The following N4BP2 variants were observed in gnomAD, a reference collection of about 807,000 sequenced individuals.
N4BP2 encodes NEDD4 binding protein 2.
In N4BP2, 91 loss-of-function variants were observed where a neutral mutation model predicts 152.8. That is an observed-to-expected ratio of 0.60 (90% CI 0.50 to 0.71). The LOEUF (loss-of-function observed/expected upper bound fraction) is 0.71, where lower values mean the gene tolerates loss of function less well. Ranked by LOEUF, N4BP2 falls within the 30% of genes least tolerant of loss-of-function variation. The probability of loss-of-function intolerance (pLI) is 0.00; values close to 1 mark genes in which losing one functional copy is unlikely to be tolerated. For synonymous variants in N4BP2, 646 were observed against 705.3 expected (o/e 0.92, Z 1.33); for missense variants, 1,923 against 2,059.1 (o/e 0.93, Z 1.28).
In N4BP2 at chr4:40,120,708, A is replaced by G. The variant is rs1164409996; in HGVS notation, c.2597A>G (p.Tyr866Cys). 2 of 1,614,018 alleles carry G rather than the reference A, an allele frequency of 1.2e-6. No homozygotes were observed. The highest frequency in any genetic ancestry group is 1.1e-5 in the South Asian group (1 of 91,080). The change falls in exon 9 of 18, where the codon TAT becomes TGT. Residue 866 changes from tyrosine to cysteine, a missense_variant. Tyr to Cys is a radical substitution (Grantham distance 194). Coordinates refer to ENST00000261435, the MANE Select transcript of N4BP2 (RefSeq NM_018177.6). Reference protein sequence around the residue: ...CDDASEPLNSYKYDAYKNIDK... With the variant: ...CDDASEPLNSCKYDAYKNIDK... ...GATGCTTCAGAGCCACTCAATAGCT[A>G]TAAATATGATGCTTATAAAAATATT...
chr4:40,148,778 C>T (rs1396602428), intron 16 of N4BP2, among the ~76,000 whole-genome samples: 1 of 152,200 alleles, frequency 6.6e-6, no homozygotes, highest in Non-Finnish European at 1.5e-5. Context: ...ATGTGAGCCA[C>T]CATGCCTGGC....
chr4:40,149,409 G>C (rs1258654529), intron 16 of N4BP2, among the ~76,000 whole-genome samples: 1 of 152,198 alleles, frequency 6.6e-6, no homozygotes, highest in African/African-American at 2.4e-5. Context: ...ATTAGTGGTT[G>C]CTGGGACTGG....
the N4BP2 span, among the ~76,000 whole-genome samples, chr4:40,180,927 G>A: frequency 6.6e-6 from 1 of 152,144 alleles, no homozygotes; most frequent in African/African-American, 2.4e-5. Flanking sequence ...TGAGGCGGGT[G>A]GATCATGAGG....
intron 1 of N4BP2, among the ~76,000 whole-genome samples, chr4:40,064,916 A>G (rs1307447079): frequency 3.3e-5 from 5 of 151,914 alleles, no homozygotes; most frequent in Non-Finnish European, 7.4e-5. Flanking sequence ...GATTACAGGT[A>G]TGCACCACCA....
At chr4:40,140,018 ACTT>A (rs936708626) in intron 14 of N4BP2, among the ~76,000 whole-genome samples, 2 of 139,024 alleles carry the variant, frequency 1.4e-5, no homozygotes, top group African/African-American at 5.5e-5. Context: ...CTGGTCTTGA[ACTT>A]CTGGGCTCAA....
Position 40,119,942 on chromosome 4 carries a change from G to C in N4BP2, c.1831G>C (p.Asp611His), listed in dbSNP as rs794001. Residue 611 changes from aspartate (D) to histidine (H), a missense_variant, in exon 9 of 18, where the codon GAT becomes CAT. Coordinates refer to ENST00000261435, the MANE Select transcript of N4BP2 (RefSeq NM_018177.6). The part of the protein sequence containing the change: ...CEDRSTSPRD[D>H]EDIISEKEEN... ...AAAATAATCTTACAGCCCAAGAGAC[G>C]ATGAAGATATTATCTCTGAAAAAGA... The C allele has an allele frequency of 7.2e-7, 1 of 1,386,672 alleles. No homozygotes were observed. The highest frequency in any genetic ancestry group is 9.9e-7 in the Non-Finnish European group (1 of 1,009,472). 85.9% of individuals were successfully genotyped at this position (1,386,672 alleles called of 1,614,324 possible). A position where few individuals can be genotyped will look rare whatever the true frequency, so the allele number is the denominator to read the frequency against.
chr4:40,106,234 A>AT (rs926929018), intron 4 of N4BP2, among the ~76,000 whole-genome samples: 1 of 152,026 alleles, frequency 6.6e-6, no homozygotes, highest in Admixed American at 6.6e-5. Flanking sequence ...CTTAGGTCAG[A>AT]TTTTTTTTGG....
rs965611256 is a variant in N4BP2 at position 40,095,452 on chromosome 4, T to C, written c.-114-1775T>C. 5.9e-5 allele frequency among the ~76,000 whole-genome samples: 9 copies of C among 152,244 alleles called. No individual in the cohort carries two copies. In the South Asian group the frequency reaches 1.7e-3, roughly 28 times the overall value. ...TTTCTTTGTCTGTGATAATTTTCTT[T>C]GCTCTGAATTCTGCTTATGTCTGAT... is the stretch of plus-strand genomic sequence containing the variant. On this transcript the variant is annotated intron_variant, in intron 2 of 17. Coordinates refer to ENST00000261435, the MANE Select transcript of N4BP2 (RefSeq NM_018177.6).
chr4:40,158,861 C>T (rs528942278), downstream of N4BP2, among the ~76,000 whole-genome samples: 2 of 152,162 alleles, frequency 1.3e-5, no homozygotes, highest in South Asian at 2.1e-4. Context: ...AAGCAGAATT[C>T]ACTCATTTTG....
intron 4 of N4BP2, among the ~76,000 whole-genome samples, chr4:40,103,783 T>C (rs1715939875): frequency 6.6e-6 from 1 of 152,146 alleles, no homozygotes; most frequent in South Asian, 2.1e-4. Context: ...CTTTATCCCT[T>C]CTGTAGTTAA....
chr4:40,059,996 T>G (rs1001363802), intron 1 of N4BP2, among the ~76,000 whole-genome samples: 1 of 148,700 alleles, frequency 6.7e-6, no homozygotes, highest in Non-Finnish European at 1.5e-5. Flanking sequence ...ACCTTATTCT[T>G]TTTTTTTTTT....
chr4:40,107,847 G>T (rs1188935005), intron 5 of N4BP2, among the ~76,000 whole-genome samples: 2 of 152,078 alleles, frequency 1.3e-5, no homozygotes, highest in African/African-American at 4.8e-5. Context: ...TATCAGTAGG[G>T]ATCTTTTGAG....
chr4:40,168,650 TC>T, the N4BP2 span, among the ~76,000 whole-genome samples: 2,886 of 152,038 alleles, frequency 0.019, 88 homozygotes, highest in African/African-American at 0.064. Flanking sequence ...ACCACAGAAA[TC>T]AATTGACCTA....
chr4:40,105,480 A>G lies in N4BP2; in HGVS notation c.1374-1420A>G, dbSNP rs530979585. ...GCTGGGATTACAGGTATCTGCTGCC[A>G]CCCCCAGCTAATTTTTATATTTTTA... On this transcript the variant is annotated intron_variant, in intron 4 of 17. Transcript: ENST00000261435. Among the ~76,000 whole-genome samples the G allele has an allele frequency of 1.6e-4, 24 of 150,090 alleles. 1 individual carries two copies. The South Asian group carries it at 4.9e-3, about 30-fold the overall frequency.
intron 1 of N4BP2, among the ~76,000 whole-genome samples, chr4:40,073,219 G>A (rs988609610): frequency 2.0e-5 from 3 of 152,088 alleles, no homozygotes; most frequent in Admixed American, 2.0e-4. Context: ...TGGAATTAGT[G>A]TTCTACTTAA....
At chr4:40,134,195 C>T (rs182750812) in intron 13 of N4BP2, among the ~76,000 whole-genome samples, 1 of 152,146 alleles carries the variant, frequency 6.6e-6, no homozygotes. Context: ...AAGTAGTATT[C>T]CAATCCCTAA....
chr4:40,076,783 C>T (rs953053623), intron 2 of N4BP2, among the ~76,000 whole-genome samples: 8 of 152,042 alleles, frequency 5.3e-5, no homozygotes, highest in Admixed American at 3.3e-4. Context: ...CCACCACACC[C>T]GGCCCAAAAA....
rs149970229 is a variant in N4BP2 at position 40,068,596 on chromosome 4, G to T, written c.-211-4859G>T. ...CTCCTTTTCCCATTGTGTGGCCTTG[G>T]TACCCTTGTTGAAGATCATTTGATC... On this transcript the variant is annotated intron_variant, in intron 1 of 17. Coordinates refer to ENST00000261435, the MANE Select transcript of N4BP2 (RefSeq NM_018177.6). 6.9e-3 allele frequency among the ~76,000 whole-genome samples: 1,044 copies of T among 152,128 alleles called. 5 individuals carry two copies. Among genetic ancestry groups the T allele is most frequent in the Non-Finnish European group, 9.4e-3 (637 of 68,016 alleles).
chr4:40,159,722 A>G (rs1254935503), downstream of N4BP2, among the ~76,000 whole-genome samples: 1 of 152,168 alleles, frequency 6.6e-6, no homozygotes, highest in South Asian at 2.1e-4. Flanking sequence ...GAAATTTGGT[A>G]TTCTCTTGGA....
Sources: gnomAD v4.1 joint callset for allele counts (sites outside exome capture counted in the v4.1 genomes callset) on GRCh38, gnomAD v4.1.1 for gene constraint, MANE v1.5 for transcripts, NCBI Gene and HGNC (gene_info 2026-07-23, HGNC 2026-07-21) for gene names.